The following SNED1 variants were observed in gnomAD, a reference collection of about 807,000 sequenced individuals.
The protein encoded by SNED1 is sushi, nidogen and EGF-like domain-containing protein 1.
In SNED1, 81 loss-of-function variants were observed where a neutral mutation model predicts 166.7. That is an observed-to-expected ratio of 0.49 (90% CI 0.41 to 0.58). SNED1 has a LOEUF of 0.58. SNED1 is among the 20% of genes least tolerant of loss of function. The probability of loss-of-function intolerance (pLI) is 0.00; values close to 1 mark genes in which losing one functional copy is unlikely to be tolerated. For missense variants in SNED1, 1,604 were observed against 2,000.2 expected (o/e 0.80, Z 3.78); for synonymous variants, 762 against 822.0 (o/e 0.93, Z 1.25).
At position 241,048,412 on chromosome 2, in the gene SNED1, A is replaced by G. The variant is rs761708455; in HGVS notation, c.1371A>G (p.Glu457=). The stretch of plus-strand genomic sequence containing the variant: ...AGGGCTACGTGTGCGAGTGCCCCGA[A>G]GGCTTCATGGGCCTGGACTGCAGGG... ...ADQGYVCECP[E]GFMGLDCRER... The change falls in exon 9 of 32, where the codon GAA becomes GAG. Residue 457 remains glutamate (E), a synonymous_variant. Transcript: ENST00000310397. The G allele has an allele frequency of 3.1e-6, 5 of 1,610,986 alleles. No homozygotes were observed. Among genetic ancestry groups the G allele is most frequent in the Non-Finnish European group, 3.4e-6 (4 of 1,178,842 alleles).
rs1473408086 is a variant in SNED1 at position 241,065,546 on chromosome 2, TAAC to T, written c.2967_2969del (p.Asn989del). ...CCGTCTTCTCAGTGAAGCGAAACAG[TAAC>T]AACAAGAATGACATCAGCAGGCCTG... On this transcript the variant is annotated inframe_deletion, in exon 21 of 32. Coordinates refer to ENST00000310397, the MANE Select transcript of SNED1 (RefSeq NM_001080437.3). 10 of 1,612,720 alleles carry T rather than the reference TAAC, an allele frequency of 6.2e-6. No individual in the cohort carries two copies. Among genetic ancestry groups the T allele is most frequent in the East Asian group, 2.2e-5 (1 of 44,840 alleles).
At chr2:241,024,952 G>A (rs192929102) in intron 1 of SNED1, among the ~76,000 whole-genome samples, 400 of 152,294 alleles carry the variant, frequency 2.6e-3, no homozygotes, top group Non-Finnish European at 4.5e-3. Flanking sequence ...GGGATTACAG[G>A]CATGAGCCAC....
At chr2:241,000,354 G>A (rs1421193486) in intron 1 of SNED1, among the ~76,000 whole-genome samples, 1 of 152,232 alleles carries the variant, frequency 6.6e-6, no homozygotes, top group Non-Finnish European at 1.5e-5. Flanking sequence ...CCTGACTGGT[G>A]GGAGGGGCAG....
chr2:241,000,401 G>C (rs981441975), intron 1 of SNED1, among the ~76,000 whole-genome samples: 1 of 152,212 alleles, frequency 6.6e-6, no homozygotes, highest in South Asian at 2.1e-4. Context: ...AGTCCCTCTG[G>C]ACCGGGACTT....
chr2:241,085,046 T>C (rs2063513353), intron 29 of SNED1, among the ~76,000 whole-genome samples: 1 of 152,212 alleles, frequency 6.6e-6, no homozygotes, highest in South Asian at 2.1e-4. Context: ...CCTTTTATGT[T>C]TTCCCTTTAT....
Position 241,049,897 on chromosome 2 carries a change from T to TG in SNED1, c.1700dup (p.Cys567TrpfsTer50). On this transcript the variant is annotated frameshift_variant, in exon 12 of 32. Coordinates refer to ENST00000310397, the MANE Select transcript of SNED1 (RefSeq NM_001080437.3). LOFTEE classifies it high-confidence loss of function. ...CCATGACGACTCCTACACCTGCGAG[T>TG]GCCCGCGCGGGTTCCACGGCAAGCA... The TG allele has an allele frequency of 6.2e-7, 1 of 1,613,678 alleles. No individual in the cohort carries two copies. Among genetic ancestry groups the TG allele is most frequent in the Non-Finnish European group, 8.5e-7 (1 of 1,179,756 alleles).
chr2:241,066,840 G>T (rs1036984141), intron 21 of SNED1, among the ~76,000 whole-genome samples: 2 of 152,206 alleles, frequency 1.3e-5, no homozygotes, highest in African/African-American at 4.8e-5. Flanking sequence ...ACAGGAGAAG[G>T]CATTCAAGGC....
chr2:241,014,958 G>A (rs563374895), intron 1 of SNED1, among the ~76,000 whole-genome samples: 66 of 152,240 alleles, frequency 4.3e-4, no homozygotes, highest in Admixed American at 2.4e-3. Context: ...GGCTGTTCCC[G>A]GGCTCTCCCT....
At chr2:241,015,155 GT>G (rs2060540935) in intron 1 of SNED1, among the ~76,000 whole-genome samples, 1 of 152,196 alleles carries the variant, frequency 6.6e-6, no homozygotes, top group Non-Finnish European at 1.5e-5. Context: ...ACACACACCT[GT>G]TGTGATATTT....
chr2:241,071,442 C>A, intron 24 of SNED1, 134 bp from the exon 25 acceptor site: 1 of 1,047,644 alleles, frequency 9.5e-7, no homozygotes, highest in Non-Finnish European at 1.4e-6. Flanking sequence ...CTTGGATGAC[C>A]ACGGCCCACG....
chr2:241,026,038 C>CA (rs1410400521), intron 1 of SNED1, among the ~76,000 whole-genome samples: 1 of 31,808 alleles, frequency 3.1e-5, no homozygotes, highest in Non-Finnish European at 5.5e-5. Context: ...TTTTTTGAGA[C>CA]AGAGTCTTGC....
At chr2:241,065,956 G>GC (rs1293926160) in intron 21 of SNED1, among the ~76,000 whole-genome samples, 1 of 152,112 alleles carries the variant, frequency 6.6e-6, no homozygotes, top group African/African-American at 2.4e-5. Flanking sequence ...GGTGGGCTTG[G>GC]GGGGGCTGGG....
chr2:241,004,390 A>G (rs1444126031), intron 1 of SNED1, among the ~76,000 whole-genome samples: 2 of 152,154 alleles, frequency 1.3e-5, no homozygotes, highest in Non-Finnish European at 2.9e-5. Context: ...TTTACATTTA[A>G]TGTAATTATC....
chr2:241,068,864 C>T lies in SNED1; in HGVS notation c.3195-47C>T. On this transcript the variant is annotated intron_variant, in intron 22 of 31. Transcript: ENST00000310397. This position sits in a 1 kb window ranked among gnomAD's most constrained non-coding sequence, Gnocchi z 5.3. ...TGCGGTCTGGCAGCAGAGTCACACA[C>T]AGGTCCCAGACATCCCTGTTCTCTC... The T allele has an allele frequency of 7.4e-7, 1 of 1,346,640 alleles. No individual in the cohort carries two copies. The highest frequency in any genetic ancestry group is 1.0e-6 in the Non-Finnish European group (1 of 973,136). The allele number at this position is 1,346,640 out of a possible 1,614,324, so 83.4% of individuals were successfully genotyped here. A position where few individuals can be genotyped will look rare whatever the true frequency, so the allele number is the denominator to read the frequency against.
At chr2:241,078,110 C>T (rs551580820) in intron 27 of SNED1, among the ~76,000 whole-genome samples, 37 of 152,256 alleles carry the variant, frequency 2.4e-4, no homozygotes, top group East Asian at 7.7e-4. Flanking sequence ...AGTGGCCGGG[C>T]GCGGTGGCTC....
intron 8 of SNED1, among the ~76,000 whole-genome samples, chr2:241,047,926 AATCCT>A: frequency 6.8e-6 from 1 of 147,542 alleles, no homozygotes; most frequent in African/African-American, 2.6e-5. Context: ...TGTTCTGTCC[AATCCT>A]GGGTGGTCTC....
chr2:241,035,967 GC>G (rs1405723927), intron 4 of SNED1, among the ~76,000 whole-genome samples: 2 of 69,596 alleles, frequency 2.9e-5, no homozygotes, highest in South Asian at 6.7e-4. Flanking sequence ...TGGAGGTGGG[GC>G]GTAGTAGGGG....
intron 1 of SNED1, among the ~76,000 whole-genome samples, chr2:241,000,179 C>T (rs111427156): frequency 0.011 from 1,664 of 152,276 alleles, 44 homozygotes; most frequent in African/African-American, 0.036. Context: ...ACATCCTCTG[C>T]ATGGTTGTCA....
intron 1 of SNED1, among the ~76,000 whole-genome samples, chr2:241,020,603 C>G (rs2060742708): frequency 6.6e-6 from 1 of 152,186 alleles, no homozygotes; most frequent in Non-Finnish European, 1.5e-5. Flanking sequence ...GGGCGCTGCC[C>G]TTATGTGATC....
Sources: gnomAD v4.1 joint callset for allele counts (sites outside exome capture counted in the v4.1 genomes callset) on GRCh38, gnomAD v4.1.1 for gene constraint, Gnocchi (gnomAD v3.1) non-coding constraint, MANE v1.5 for transcripts, NCBI Gene and HGNC (gene_info 2026-07-23, HGNC 2026-07-21) for gene names.